Variants in PRDM10 observed in about 807,000 individuals in gnomAD.
The protein encoded by PRDM10 is PR/SET domain 10, also known as PR domain zinc finger protein 10.
Under a neutral mutation model 133.1 loss-of-function variants are expected in PRDM10, and 65 were observed. That is an observed-to-expected ratio of 0.49 (90% CI 0.40 to 0.60). PRDM10 has a LOEUF of 0.60. Among genes scored for constraint, PRDM10 ranks in the 20% least tolerant of loss-of-function variants. The pLI is 0.00. For synonymous variants in PRDM10, 582 were observed against 580.4 expected, an observed-to-expected ratio of 1.00 and a Z score of -0.04; for missense variants, 1,137 against 1,507.1, an observed-to-expected ratio of 0.75 and a Z score of 4.07.
At chr11:129,932,306 C>T in intron 9 of PRDM10, 75 bp from the exon 10 acceptor site, 1 of 1,536,980 alleles carries the variant, frequency 6.5e-7, no homozygotes, top group South Asian at 1.2e-5. Flanking sequence ...CTAAATGATC[C>T]TTACTAACCC....
At chr11:129,944,495 G>A (rs976403298) in intron 6 of PRDM10, among the ~76,000 whole-genome samples, 18 of 150,074 alleles carry the variant, frequency 1.2e-4, no homozygotes, top group Admixed American at 3.3e-4. Flanking sequence ...TGAGGCAGGA[G>A]AATGGCGTGA....
At chr11:129,985,534 G>C (rs965199940) in intron 1 of PRDM10, among the ~76,000 whole-genome samples, 1 of 151,944 alleles carries the variant, frequency 6.6e-6, no homozygotes, top group African/African-American at 2.4e-5. Flanking sequence ...GCTCATGCCT[G>C]TAACCCCAGC....
At chr11:129,956,031 A>G (rs866651925) in intron 3 of PRDM10, among the ~76,000 whole-genome samples, 4 of 152,212 alleles carry the variant, frequency 2.6e-5, no homozygotes, top group Admixed American at 1.3e-4. Context: ...TTTCAAATGT[A>G]AGTGCATGTT....
At position 129,935,173 on chromosome 11, in the gene PRDM10, C is replaced by T. The variant is rs1000002154; in HGVS notation, c.1085G>A (p.Arg362His). 12 of 1,613,804 alleles carry T rather than the reference C, an allele frequency of 7.4e-6. No homozygotes were observed. The highest frequency in any genetic ancestry group is 1.0e-5 in the Non-Finnish European group (12 of 1,179,900). ...EKNWPCYECNRRFISSEQLQQ... is the reference protein window; with the variant it reads ...EKNWPCYECNHRFISSEQLQQ... The stretch of plus-strand genomic sequence containing the variant: ...CAACTGCTCCGAGCTTATAAATCGG[C>T]GGTTACATTCATAGCAGGGCCAATT... Residue 362 changes from arginine to histidine, a missense_variant, in exon 9 of 21, where the codon CGC becomes CAC. This residue lies in a region of PRDM10 where 635 missense variants were observed against 835.2 expected (regional missense o/e 0.76). Coordinates refer to ENST00000360871, the MANE Select transcript of PRDM10 (RefSeq NM_199437.2).
chr11:129,974,972 C>T (rs1169356887), intron 1 of PRDM10, among the ~76,000 whole-genome samples: 1 of 152,154 alleles, frequency 6.6e-6, no homozygotes, highest in Non-Finnish European at 1.5e-5. Context: ...CTGGAATAGG[C>T]AACTCCAGAG....
chr11:129,960,938 A>G lies in PRDM10; in HGVS notation c.27T>C (p.His9=). The change falls in exon 2 of 21, where the codon CAT becomes CAC. Residue 9 remains histidine (H), a synonymous_variant. Transcript: ENST00000360871. MDSKDESS[H]VWPTSAEHEQ... ...CATGCTCTGCAGATGTCGGCCACACATGCGAGCTTTCATCTTTGGAATCCA... is the reference window on the plus strand; with the variant it reads ...CATGCTCTGCAGATGTCGGCCACACGTGCGAGCTTTCATCTTTGGAATCCA... The G allele has an allele frequency of 6.2e-7, 1 of 1,614,174 alleles. No individual in the cohort carries two copies. Among genetic ancestry groups the G allele is most frequent in the Non-Finnish European group, 8.5e-7 (1 of 1,180,026 alleles).
chr11:129,993,513 C>T (rs1938864435), intron 1 of PRDM10, among the ~76,000 whole-genome samples: 1 of 151,988 alleles, frequency 6.6e-6, no homozygotes, highest in Admixed American at 6.6e-5. Context: ...GAGATGGAAT[C>T]TCGTTGTGTC....
At chr11:129,912,797 C>T (rs944764043) in intron 17 of PRDM10, among the ~76,000 whole-genome samples, 1 of 149,106 alleles carries the variant, frequency 6.7e-6, no homozygotes, top group Non-Finnish European at 1.5e-5. Flanking sequence ...CAGTGGCTCA[C>T]CCCTGTAATC....
In PRDM10 at chr11:129,937,174, TG is replaced by T. The variant is rs964438964; in HGVS notation, c.1039+423del. Among the ~76,000 whole-genome samples, 17 of 152,362 alleles carry T rather than the reference TG, an allele frequency of 1.1e-4. 1 individual carries two copies. Among genetic ancestry groups the T allele is most frequent in the Admixed American group, 5.9e-4 (9 of 15,300 alleles). On this transcript the variant is annotated intron_variant, in intron 8 of 20. Coordinates refer to ENST00000360871, the MANE Select transcript of PRDM10 (RefSeq NM_199437.2). ...GGCACAGTAACGCTGTTTCTTGATCTGGGTGCAGGTTACATGGGTGTGTTCA... is the reference window on the plus strand; with the variant it reads ...GGCACAGTAACGCTGTTTCTTGATCTGGTGCAGGTTACATGGGTGTGTTCA...
At chr11:129,921,531 C>T (rs533171232) in intron 13 of PRDM10, among the ~76,000 whole-genome samples, 5 of 152,254 alleles carry the variant, frequency 3.3e-5, no homozygotes, top group African/African-American at 9.6e-5. Context: ...GATTTATCTG[C>T]GTGAAGAGCT....
At chr11:129,980,053 G>A (rs143286285) in intron 1 of PRDM10, among the ~76,000 whole-genome samples, 10 of 152,334 alleles carry the variant, frequency 6.6e-5, no homozygotes, top group Non-Finnish European at 1.2e-4. Context: ...ACATAAGTGT[G>A]GCCAGGATAT....
intron 11 of PRDM10, among the ~76,000 whole-genome samples, chr11:129,930,309 A>T (rs973169641): frequency 3.3e-5 from 5 of 152,232 alleles, no homozygotes; most frequent in African/African-American, 1.2e-4. Context: ...ACAGACACTT[A>T]TCCCACAAAG....
In PRDM10 at chr11:129,905,759, T is replaced by C; in HGVS notation, c.3164-18A>G. 1.2e-6 allele frequency: 2 copies of C among 1,601,926 alleles called. No individual in the cohort carries two copies. Among genetic ancestry groups the C allele is most frequent in the Non-Finnish European group, 1.7e-6 (2 of 1,169,294 alleles). On this transcript the variant is annotated intron_variant, in intron 19 of 20. Coordinates refer to ENST00000360871, the MANE Select transcript of PRDM10 (RefSeq NM_199437.2). ...CTCAGATGCTAAAAAACAGGAAATA[T>C]TCATAGTTCAGTGGTCTCAGATTTT... is the stretch of plus-strand genomic sequence containing the variant.
rs1951365479 is a variant in PRDM10 at position 129,945,173 on chromosome 11, G to A, written c.521-161C>T. ...ATTCAACGGTAATACATTCTCTCTG[G>A]GAGACCAGTAAAAATCCTGTAATTC... On this transcript the variant is annotated intron_variant, in intron 5 of 20. Transcript: ENST00000360871. The surrounding 1 kb of genome is among the most constrained non-coding windows in gnomAD (Gnocchi z 4.2). Among the ~76,000 whole-genome samples the A allele has an allele frequency of 6.6e-6, 1 of 152,074 alleles. No homozygotes were observed. Among genetic ancestry groups the A allele is most frequent in the Non-Finnish European group, 1.5e-5 (1 of 68,014 alleles).
chr11:129,980,420 G>A (rs966264166), intron 1 of PRDM10, among the ~76,000 whole-genome samples: 4 of 152,082 alleles, frequency 2.6e-5, no homozygotes. Flanking sequence ...GTTGTGAACC[G>A]TGCATGTGAG....
rs770231327 is a variant in PRDM10, at chr11:129,945,429, C to A, written c.521-417G>T. On this transcript the variant is annotated intron_variant, in intron 5 of 20. Transcript: ENST00000360871. This position sits in a 1 kb window ranked among gnomAD's most constrained non-coding sequence, Gnocchi z 4.2. ...TATCTCAATAAAACTATTCCGGGGC[C>A]GGGGAGGAACCCTGACAATACTATT... Among the ~76,000 whole-genome samples the A allele has an allele frequency of 1.3e-5, 2 of 152,072 alleles. No individual in the cohort carries two copies. The highest frequency in any genetic ancestry group is 4.8e-5 in the African/African-American group (2 of 41,388).
At chr11:129,924,765 A>T (rs1950624949) in intron 12 of PRDM10, 117 bp downstream of exon 12, 1 of 843,782 alleles carries the variant, frequency 1.2e-6, no homozygotes, top group Admixed American at 2.6e-5. Flanking sequence ...TCAATTGTAA[A>T]GTTGTTTCAA....
intron 1 of PRDM10, among the ~76,000 whole-genome samples, chr11:129,981,573 G>C (rs372744441): frequency 6.6e-6 from 1 of 151,962 alleles, no homozygotes; most frequent in African/African-American, 2.4e-5. Context: ...TGCTTTCAAC[G>C]TACAGATGTG....
At chr11:129,942,693 A>T in intron 6 of PRDM10, 64 bp from the exon 7 acceptor site, 1 of 1,385,422 alleles carries the variant, frequency 7.2e-7, no homozygotes, top group South Asian at 1.2e-5. Flanking sequence ...ACATTTTATA[A>T]TGTCACAATA....
Sources: allele counts gnomAD v4.1 joint callset (sites outside exome capture counted in the v4.1 genomes callset), GRCh38; gene constraint gnomAD v4.1.1; regional missense constraint gnomAD v4.1.1; non-coding constraint Gnocchi (gnomAD v3.1); transcripts MANE v1.5; gene names NCBI Gene and HGNC (gene_info 2026-07-23, HGNC 2026-07-21).